PTPRO: variants seen among roughly 807,000 people sequenced by gnomAD.
The protein encoded by PTPRO is protein tyrosine phosphatase receptor type O.
PTPRO carries 62 observed loss-of-function variants against 145.2 expected under a neutral mutation model. That is an observed-to-expected ratio of 0.43 (90% CI 0.35 to 0.53). PTPRO has a LOEUF of 0.53. Ranked by LOEUF, PTPRO falls within the 20% of genes least tolerant of loss-of-function variation. The pLI, the probability that PTPRO is intolerant of heterozygous loss-of-function variation, is 0.01. For missense variants in PTPRO, 1,345 were observed against 1,482.7 expected (o/e 0.91, Z 1.53); for synonymous variants, 565 against 514.7 (o/e 1.10, Z -1.32).
chr12:15,550,881 T>A (rs975632587), intron 14 of PTPRO, among the ~76,000 whole-genome samples: 75 of 152,272 alleles, frequency 4.9e-4, no homozygotes, highest in Non-Finnish European at 2.4e-4. Flanking sequence ...AAGTAGACAA[T>A]GTGTAAGTGC....
At chr12:15,324,843 C>T (rs1220522352) in intron 1 of PTPRO, among the ~76,000 whole-genome samples, 1 of 152,182 alleles carries the variant, frequency 6.6e-6, no homozygotes. Flanking sequence ...ATTGGGCACA[C>T]AGTGTAATAT....
chr12:15,457,140 G>A (rs952590440), intron 1 of PTPRO, among the ~76,000 whole-genome samples: 4 of 152,176 alleles, frequency 2.6e-5, no homozygotes, highest in African/African-American at 4.8e-5. Flanking sequence ...TTCAGCCTTC[G>A]GACTCTTGGA....
At chr12:15,591,928 G>T (rs1288744277) in intron 25 of PTPRO, among the ~76,000 whole-genome samples, 1 of 151,958 alleles carries the variant, frequency 6.6e-6, no homozygotes. Context: ...AAAATAAAGT[G>T]CAGTATCCCT....
chr12:15,565,127 C>G (rs1346168293), intron 17 of PTPRO, among the ~76,000 whole-genome samples: 1 of 152,192 alleles, frequency 6.6e-6, no homozygotes, highest in Admixed American at 6.5e-5. Flanking sequence ...AGCACACATT[C>G]ACATCCCCAG....
chr12:15,440,458 C>T (rs963700863), intron 1 of PTPRO: 1 of 223,618 alleles, frequency 4.5e-6, no homozygotes, highest in Non-Finnish European at 8.7e-6. Flanking sequence ...AAATACAAGG[C>T]TCATCAGTCT....
chr12:15,482,952 AG>A (rs1362435599), intron 1 of PTPRO, among the ~76,000 whole-genome samples: 1 of 152,152 alleles, frequency 6.6e-6, no homozygotes, highest in Non-Finnish European at 1.5e-5. Flanking sequence ...TGAGATTAAA[AG>A]TAACGATACG....
chr12:15,556,496 T>C (rs1485357194), intron 15 of PTPRO, among the ~76,000 whole-genome samples: 2 of 152,006 alleles, frequency 1.3e-5, no homozygotes, highest in African/African-American at 4.8e-5. Flanking sequence ...GTTTACTTTT[T>C]CTCTACTTCT....
chr12:15,465,293 G>T (rs1158147535), intron 1 of PTPRO, among the ~76,000 whole-genome samples: 1 of 152,232 alleles, frequency 6.6e-6, no homozygotes, highest in Admixed American at 6.5e-5. Context: ...GCATTGGAAA[G>T]TTAGAAATGG....
At chr12:15,415,607 G>GC (rs1451129062) in intron 1 of PTPRO, among the ~76,000 whole-genome samples, 6 of 151,534 alleles carry the variant, frequency 4.0e-5, no homozygotes, top group Admixed American at 3.9e-4. Flanking sequence ...GGATGGTCTC[G>GC]ATCTCCCGAC....
In PTPRO at chr12:15,524,961, A is replaced by G; in HGVS notation, c.2039A>G (p.Lys680Arg). ...GCAGAAGGAAAAAAGAAAATTAAAA[A>G]GAGTGTATGTTTCTTTGAATGCCAG... ...VVAEGKKKIK[K>R]SVTRNVMTAI... The change falls in exon 11 of 27, where the codon AAG becomes AGG. Residue 680 changes from lysine to arginine, a missense_variant. By Grantham distance (26) the Lys-to-Arg change is conservative. Coordinates refer to ENST00000281171, the MANE Select transcript of PTPRO (RefSeq NM_030667.3). The G allele has an allele frequency of 6.2e-7, 1 of 1,613,964 alleles. No individual in the cohort carries two copies. Among genetic ancestry groups the G allele is most frequent in the East Asian group, 2.2e-5 (1 of 44,846 alleles).
chr12:15,468,808 AG>A (rs1941474737), intron 1 of PTPRO, among the ~76,000 whole-genome samples: 1 of 152,208 alleles, frequency 6.6e-6, no homozygotes, highest in African/African-American at 2.4e-5. Context: ...ATCTGTGTAA[AG>A]GATTGCCCTA....
chr12:15,367,390 G>A (rs1053532372), intron 1 of PTPRO, among the ~76,000 whole-genome samples: 2 of 152,140 alleles, frequency 1.3e-5, no homozygotes, highest in African/African-American at 4.8e-5. Flanking sequence ...AGAACAATGT[G>A]AGCAAAATTT....
intron 1 of PTPRO, among the ~76,000 whole-genome samples, chr12:15,380,872 A>C (rs1938840067): frequency 1.3e-5 from 2 of 152,198 alleles, no homozygotes. Context: ...TCTTAGAAAG[A>C]ACATTCAATA....
chr12:15,572,225 C>T (rs929456830), intron 19 of PTPRO, among the ~76,000 whole-genome samples: 2 of 152,128 alleles, frequency 1.3e-5, no homozygotes, highest in African/African-American at 4.8e-5. Context: ...TTCAATTTAT[C>T]CAACTACTTT....
chr12:15,440,709 A>G (rs1940739680), intron 1 of PTPRO, among the ~76,000 whole-genome samples: 1 of 152,180 alleles, frequency 6.6e-6, no homozygotes, highest in South Asian at 2.1e-4. Context: ...ATAATAAACA[A>G]AAAAGCAGGG....
chr12:15,429,046 A>C (rs1383497797), intron 1 of PTPRO, among the ~76,000 whole-genome samples: 1 of 152,202 alleles, frequency 6.6e-6, no homozygotes, highest in Non-Finnish European at 1.5e-5. Flanking sequence ...ACCTACTAAA[A>C]ATCATAATTA....
At chr12:15,461,057 T>A (rs1342855013) in intron 1 of PTPRO, among the ~76,000 whole-genome samples, 1 of 152,176 alleles carries the variant, frequency 6.6e-6, no homozygotes, top group Non-Finnish European at 1.5e-5. Context: ...ACTCTACCTC[T>A]CTGGCATTAA....
At position 15,518,540 on chromosome 12, in the gene PTPRO, A is replaced by C. The variant is rs182284635; in HGVS notation, c.1779+1584A>C. Among the ~76,000 whole-genome samples, 52 of 152,320 alleles carry C rather than the reference A, an allele frequency of 3.4e-4. No individual in the cohort carries two copies. The East Asian group carries it at 9.3e-3, about 27-fold the overall frequency. On this transcript the variant is annotated intron_variant, in intron 9 of 26. Transcript: ENST00000281171. ...CTCAGAAAATGGGATTTTCTTTTCTATCACATTGTCAAGCTGCAAATTTTC... is the reference window on the plus strand; with the variant it reads ...CTCAGAAAATGGGATTTTCTTTTCTCTCACATTGTCAAGCTGCAAATTTTC...
chr12:15,334,813 A>T (rs1222940543), intron 1 of PTPRO, among the ~76,000 whole-genome samples: 1 of 152,164 alleles, frequency 6.6e-6, no homozygotes, highest in Non-Finnish European at 1.5e-5. Flanking sequence ...TCTGGAGTAT[A>T]AAAATAGCAT....
Sources: allele counts gnomAD v4.1 joint callset (sites outside exome capture counted in the v4.1 genomes callset), GRCh38; gene constraint gnomAD v4.1.1; transcripts MANE v1.5; gene names NCBI Gene and HGNC (gene_info 2026-07-23, HGNC 2026-07-21).